DESI2: variants seen among roughly 807,000 people sequenced by gnomAD.
DESI2 encodes the protein desumoylating isopeptidase 2.
In DESI2, 10 loss-of-function variants were observed where a neutral mutation model predicts 24.1. The observed-to-expected ratio is 0.41, with a 90% CI of 0.26 to 0.70. The LOEUF is 0.70. Among genes scored for constraint, DESI2 ranks in the 30% least tolerant of loss-of-function variants. The pLI is 0.29. For synonymous variants in DESI2, 71 were observed against 87.7 expected (o/e 0.81, Z 1.06); for missense variants, 122 against 234.9 (o/e 0.52, Z 3.14).
chr1:244,692,182 G>A (rs1251734685), intron 4 of DESI2, among the ~76,000 whole-genome samples, 162 bp downstream of exon 4: 1 of 152,070 alleles, frequency 6.6e-6, no homozygotes, highest in East Asian at 1.9e-4. Context: ...CCTTTCCAGA[G>A]TTGGTAACTT....
At position 244,688,484 on chromosome 1, in the gene DESI2, T is replaced by C. The variant is rs541594580; in HGVS notation, c.116-765T>C. 2.6e-5 allele frequency among the ~76,000 whole-genome samples: 4 copies of C among 152,298 alleles called. No homozygotes were observed. In the East Asian group the frequency reaches 7.7e-4, roughly 29 times the overall value. On this transcript the variant is annotated intron_variant, in intron 2 of 4. Coordinates refer to ENST00000302550, the MANE Select transcript of DESI2 (RefSeq NM_016076.5). ...AAGGTATATTTTTAAAGTGATGAAGTTGATTTAAGCATGGTTTGGAATTCT... is the reference window on the plus strand; with the variant it reads ...AAGGTATATTTTTAAAGTGATGAAGCTGATTTAAGCATGGTTTGGAATTCT...
In DESI2 at chr1:244,689,413, A is replaced by G. The variant is rs575695787; in HGVS notation, c.209+71A>G. ...GCTTGTTTTCAGGTATACAGAATTCATTCTGTAAATCAAAACAAACCCAAG... is the reference window on the plus strand; with the variant it reads ...GCTTGTTTTCAGGTATACAGAATTCGTTCTGTAAATCAAAACAAACCCAAG... On this transcript the variant is annotated intron_variant, in intron 3 of 4. Coordinates refer to ENST00000302550, the MANE Select transcript of DESI2 (RefSeq NM_016076.5). The surrounding 1 kb of genome is among the most constrained non-coding windows in gnomAD (Gnocchi z 4.0). 5.6e-6 allele frequency: 4 copies of G among 708,166 alleles called. No individual in the cohort carries two copies. The South Asian group carries it at 7.5e-5, about 13-fold the overall frequency. 43.9% of individuals were successfully genotyped at this position (708,166 alleles called of 1,614,324 possible).
intron 4 of DESI2, among the ~76,000 whole-genome samples, chr1:244,703,085 TCTGCCTCCTGGGTTCAAGCAATTCTC>T (rs1677540932): frequency 6.9e-6 from 1 of 144,754 alleles, no homozygotes; most frequent in African/African-American, 2.6e-5. Flanking sequence ...CACTGCCACC[TCTGCCTCCTGGGTTCAAGCAATTCTC>T]CTGCCTCAGC....
chr1:244,676,990 TAATC>T (rs1676437254), intron 1 of DESI2, among the ~76,000 whole-genome samples: 2 of 150,936 alleles, frequency 1.3e-5, no homozygotes, highest in African/African-American at 4.9e-5. Flanking sequence ...TCATGTTATA[TAATC>T]CTTGAGTCTG....
At chr1:244,683,533 G>A (rs557557678) in intron 1 of DESI2, among the ~76,000 whole-genome samples, 2 of 152,070 alleles carry the variant, frequency 1.3e-5, no homozygotes, top group South Asian at 2.1e-4. Flanking sequence ...GGGTGGTCTT[G>A]ATCTCCTGAC....
intron 1 of DESI2, among the ~76,000 whole-genome samples, chr1:244,679,086 T>G (rs1341591221): frequency 6.6e-6 from 1 of 152,168 alleles, no homozygotes; most frequent in East Asian, 1.9e-4. Context: ...TCGCTCAGGC[T>G]GGAGTGCAGT....
chr1:244,701,044 GAAC>G (rs1463679653), intron 4 of DESI2, among the ~76,000 whole-genome samples: 9 of 152,164 alleles, frequency 5.9e-5, no homozygotes, highest in South Asian at 2.1e-4. Flanking sequence ...TAAAATGTGA[GAAC>G]AACAATAGAG....
In DESI2 at chr1:244,689,666, C is replaced by T. The variant is rs1676952597; in HGVS notation, c.209+324C>T. 6.6e-6 allele frequency among the ~76,000 whole-genome samples: 1 copy of T among 152,128 alleles called. No homozygotes were observed. The highest frequency in any genetic ancestry group is 2.1e-4 in the South Asian group (1 of 4,820). On this transcript the variant is annotated intron_variant, in intron 3 of 4. Transcript: ENST00000302550. The surrounding 1 kb of genome is among the most constrained non-coding windows in gnomAD (Gnocchi z 4.0). ...CTGGGATTACAGGCGTGCACCACGA[C>T]GTCCGGCTAATTTTTGTATTTTTAG...
At chr1:244,691,848 CTT>C in intron 3 of DESI2, 29 bp from the exon 4 acceptor site, 1 of 1,517,222 alleles carries the variant, frequency 6.6e-7, no homozygotes, top group Non-Finnish European at 8.8e-7. Context: ...CCTTATTTTT[CTT>C]TCTCTTTTTT....
intron 1 of DESI2, among the ~76,000 whole-genome samples, chr1:244,673,041 CTCACTAAATAT>C (rs1676300499): frequency 6.6e-6 from 1 of 152,096 alleles, no homozygotes; most frequent in Non-Finnish European, 1.5e-5. Context: ...TTACAGTTAT[CTCACTAAATAT>C]TCACTTAAAA....
intron 1 of DESI2, 198 bp downstream of exon 1, chr1:244,653,553 C>T (rs932429329): frequency 5.3e-6 from 3 of 562,982 alleles, no homozygotes; most frequent in Non-Finnish European, 8.9e-6. Flanking sequence ...TGAACCCAGT[C>T]AGCCCGAGGG....
rs146419854 is a variant in DESI2, at chr1:244,701,661, G to A, written c.352-3895G>A. ...TCTTCCTTCCATTTTCTCCCTTTTG[G>A]AACGGGAATGTCTATAAATTTTATT... is the stretch of plus-strand genomic sequence containing the variant. On this transcript the variant is annotated intron_variant, in intron 4 of 4. Transcript: ENST00000302550. Among the ~76,000 whole-genome samples, 171 of 152,232 alleles carry A rather than the reference G, an allele frequency of 1.1e-3. 3 individuals carry two copies. The highest frequency in any genetic ancestry group is 6.8e-3 in the Middle Eastern group (2 of 294).
At chr1:244,691,359 G>A (rs1677025406) in intron 3 of DESI2, among the ~76,000 whole-genome samples, 1 of 152,250 alleles carries the variant, frequency 6.6e-6, no homozygotes, top group Non-Finnish European at 1.5e-5. Flanking sequence ...AAAGTGCTGG[G>A]ATTACAGGCG....
intron 4 of DESI2, among the ~76,000 whole-genome samples, chr1:244,700,686 T>C (rs1472642024): frequency 6.6e-6 from 1 of 152,226 alleles, no homozygotes; most frequent in Non-Finnish European, 1.5e-5. Flanking sequence ...ACTACAAATC[T>C]GGGCTACAGA....
At chr1:244,672,169 TAAAAAA>T (rs1248271710) in intron 1 of DESI2, among the ~76,000 whole-genome samples, 1 of 151,918 alleles carries the variant, frequency 6.6e-6, no homozygotes, top group Non-Finnish European at 1.5e-5. Flanking sequence ...CTCCATCTCT[TAAAAAA>T]AGAAATGTTG....
At chr1:244,654,052 G>C in intron 1 of DESI2, 1 of 469,956 alleles carries the variant, frequency 2.1e-6, no homozygotes, top group East Asian at 7.0e-5. Flanking sequence ...CGTGACCACG[G>C]GAGAGGGAAG....
rs537282392 is a variant in DESI2, at chr1:244,660,148, A to G, written c.42+6793A>G. 6.6e-4 allele frequency among the ~76,000 whole-genome samples: 97 copies of G among 147,076 alleles called. 1 individual carries two copies. The highest frequency in any genetic ancestry group is 4.9e-3 in the South Asian group (23 of 4,716). ...TTTAGATGAATTCTTTGTTTTATGG[A>G]TTTTTCTTTTTTTGTTGTTGTTTTG... On this transcript the variant is annotated intron_variant, in intron 1 of 4. Transcript: ENST00000302550.
chr1:244,677,210 G>A (rs1676443163), intron 1 of DESI2, among the ~76,000 whole-genome samples: 1 of 152,070 alleles, frequency 6.6e-6, no homozygotes, highest in South Asian at 2.1e-4. Flanking sequence ...TGTGGGTAGT[G>A]TTTAAATTAC....
At chr1:244,654,618 A>G (rs1369966483) in intron 1 of DESI2, among the ~76,000 whole-genome samples, 1 of 152,212 alleles carries the variant, frequency 6.6e-6, no homozygotes. Context: ...ACAGGACAGA[A>G]AAAGTTGAAG....
Sources: gnomAD v4.1 joint callset for allele counts (sites outside exome capture counted in the v4.1 genomes callset) on GRCh38, gnomAD v4.1.1 for gene constraint, Gnocchi (gnomAD v3.1) non-coding constraint, MANE v1.5 for transcripts, NCBI Gene and HGNC (gene_info 2026-07-23, HGNC 2026-07-21) for gene names.